MGAT4A: variants seen among roughly 807,000 people sequenced by gnomAD.
The protein encoded by MGAT4A is alpha-1,3-mannosyl-glycoprotein 4-beta-N-acetylglucosaminyltransferase A, also known as N-acetylglucosaminyltransferase IVa.
A neutral mutation model predicts 74.1 loss-of-function variants in MGAT4A; 33 were observed. The observed-to-expected ratio is 0.45, with a 90% confidence interval of 0.34 to 0.60. MGAT4A has a LOEUF of 0.60. Ranked by LOEUF, MGAT4A falls within the 20% of genes least tolerant of loss-of-function variation. MGAT4A has a pLI of 0.02. For synonymous variants in MGAT4A, 198 were observed against 210.4 expected (o/e 0.94, Z 0.51); for missense variants, 479 against 628.3 (o/e 0.76, Z 2.54).
At chr2:98,673,420 T>C (rs1253577729) in intron 4 of MGAT4A, among the ~76,000 whole-genome samples, 2 of 152,186 alleles carry the variant, frequency 1.3e-5, no homozygotes, top group African/African-American at 4.8e-5. Context: ...TTGACAGCTT[T>C]CCTAGAATAT....
chr2:98,709,164 C>T (rs1028218188), intron 2 of MGAT4A, among the ~76,000 whole-genome samples: 6 of 152,178 alleles, frequency 3.9e-5, no homozygotes, highest in African/African-American at 1.4e-4. Flanking sequence ...TTCCCTAGAG[C>T]TGTAGTGTGG....
Position 98,622,406 on chromosome 2 carries a change from A to C in MGAT4A, c.*3160T>G. The C allele has an allele frequency of 1.0e-6, 1 of 985,470 alleles. No individual in the cohort carries two copies. The highest frequency in any genetic ancestry group is 1.2e-6 in the Non-Finnish European group (1 of 829,942). 61.0% of individuals were successfully genotyped at this position (985,470 alleles called of 1,614,324 possible). A position where few individuals can be genotyped will look rare whatever the true frequency, so the allele number is the denominator to read the frequency against. The stretch of plus-strand genomic sequence containing the variant: ...CGGGTAAAAAAATGTTTTTATTTAA[A>C]CAGCCCCCATGTGTCTACTGGCTAT... On this transcript the variant is annotated 3_prime_UTR_variant, in exon 16 of 16. Transcript: ENST00000393487.
intron 14 of MGAT4A, among the ~76,000 whole-genome samples, chr2:98,626,620 A>T (rs1701147666): frequency 1.3e-5 from 2 of 152,222 alleles, no homozygotes; most frequent in Non-Finnish European, 2.9e-5. Flanking sequence ...AGGGTAATAT[A>T]TACAGGAAGA....
intron 7 of MGAT4A, 97 bp from the exon 8 acceptor site, chr2:98,655,617 C>A: frequency 1.3e-6 from 1 of 766,512 alleles, no homozygotes; most frequent in Non-Finnish European, 2.2e-6. Context: ...CATAACATGT[C>A]ATCTATGTAT....
chr2:98,706,576 C>T (rs1189892826), intron 2 of MGAT4A, among the ~76,000 whole-genome samples: 7 of 150,978 alleles, frequency 4.6e-5, no homozygotes, highest in Non-Finnish European at 1.0e-4. Flanking sequence ...GATCCACCCG[C>T]GTCGGCCTCC....
At chr2:98,663,254 A>G in intron 4 of MGAT4A, 75 bp from the exon 5 acceptor site, 3 of 1,530,534 alleles carry the variant, frequency 2.0e-6, no homozygotes, top group Non-Finnish European at 2.7e-6. Flanking sequence ...TTTCAAAAGT[A>G]TTATACCCTC....
Position 98,623,090 on chromosome 2 carries a change from G to C in MGAT4A, c.*2476C>G. 2 of 985,480 alleles carry C rather than the reference G, an allele frequency of 2.0e-6. No individual in the cohort carries two copies. Among genetic ancestry groups the C allele is most frequent in the Middle Eastern group, 5.2e-4 (1 of 1,914 alleles). 61.0% of individuals were successfully genotyped at this position (985,480 alleles called of 1,614,324 possible). A position where few individuals can be genotyped will look rare whatever the true frequency, so the allele number is the denominator to read the frequency against. Reference sequence around the variant, plus strand: ...ATAATTGGTCTCACATCCAGATGCTGACTGGCCACCTGCCACGTGCCTGGC... The same window carrying C: ...ATAATTGGTCTCACATCCAGATGCTCACTGGCCACCTGCCACGTGCCTGGC... On this transcript the variant is annotated 3_prime_UTR_variant, in exon 16 of 16. Coordinates refer to ENST00000393487, the MANE Select transcript of MGAT4A (RefSeq NM_012214.3).
At chr2:98,656,507 A>G in intron 6 of MGAT4A, 42 bp from the exon 7 acceptor site, 1 of 1,343,678 alleles carries the variant, frequency 7.4e-7, no homozygotes, top group Non-Finnish European at 1.1e-6. Flanking sequence ...GTTCTGTGGG[A>G]TTTTATTTAT....
intron 10 of MGAT4A, among the ~76,000 whole-genome samples, chr2:98,641,809 A>C (rs112464784): frequency 1.3e-5 from 2 of 152,088 alleles, no homozygotes; most frequent in African/African-American, 2.4e-5. Context: ...TCTGGCCAAC[A>C]CGGTGAAACC....
intron 2 of MGAT4A, among the ~76,000 whole-genome samples, chr2:98,722,435 A>G (rs1230954674): frequency 6.6e-6 from 1 of 152,238 alleles, no homozygotes; most frequent in East Asian, 1.9e-4. Context: ...GCCAGTCACA[A>G]AAGACCACAT....
intron 8 of MGAT4A, among the ~76,000 whole-genome samples, chr2:98,653,331 T>A (rs1353512747): frequency 2.3e-4 from 22 of 94,566 alleles, no homozygotes; most frequent in South Asian, 3.1e-4. Context: ...ATCAGATAAA[T>A]AAATAGAAAA....
chr2:98,637,281 A>G (rs1309496502), intron 12 of MGAT4A, among the ~76,000 whole-genome samples: 1 of 152,046 alleles, frequency 6.6e-6, no homozygotes, highest in Non-Finnish European at 1.5e-5. Flanking sequence ...GTGCCACTGC[A>G]CTCCAGCCTG....
intron 2 of MGAT4A, among the ~76,000 whole-genome samples, chr2:98,710,127 C>G (rs1702496223): frequency 6.6e-6 from 1 of 152,162 alleles, no homozygotes; most frequent in Non-Finnish European, 1.5e-5. Flanking sequence ...TTTGAAGTCT[C>G]TAAAACAACT....
intron 5 of MGAT4A, among the ~76,000 whole-genome samples, chr2:98,660,412 GCACGCGCACACACACA>G (rs1559162023): frequency 2.2e-4 from 20 of 92,952 alleles, no homozygotes; most frequent in African/African-American, 4.3e-4. Context: ...ACACACACAC[GCACGCGCACACACACA>G]CACACACACA....
chr2:98,699,953 T>C (rs1702328155), intron 2 of MGAT4A, among the ~76,000 whole-genome samples: 1 of 152,136 alleles, frequency 6.6e-6, no homozygotes, highest in African/African-American at 2.4e-5. Flanking sequence ...AGTCACGATG[T>C]TTCTTATAGG....
rs1305467787 is a variant in MGAT4A, at chr2:98,625,789, G to C, written c.1515C>G (p.Leu505=). Residue 505 remains leucine (L), a synonymous_variant, in exon 15 of 16, where the codon CTC becomes CTG. Coordinates refer to ENST00000393487, the MANE Select transcript of MGAT4A (RefSeq NM_012214.3). ...AAAGTCGAAAGGCTGAAATGGGATT[G>C]AGACTTGGATCCACCATTCCTTCTG... ...GVAEGMVDPS[L]NPISAFRLSV... is the part of the protein sequence containing the mutation. 6.2e-7 allele frequency: 1 copy of C among 1,612,540 alleles called. No individual in the cohort carries two copies. The highest frequency in any genetic ancestry group is 8.5e-7 in the Non-Finnish European group (1 of 1,178,934).
rs1701383874 is a variant in MGAT4A, at chr2:98,640,168, G to C, written c.1081C>G (p.His361Asp). The C allele has an allele frequency of 6.2e-7, 1 of 1,613,924 alleles. No individual in the cohort carries two copies. Among genetic ancestry groups the C allele is most frequent in the Non-Finnish European group, 8.5e-7 (1 of 1,179,982 alleles). The change falls in exon 11 of 16, where the codon CAT (histidine) becomes GAT (aspartate). Residue 361 changes from histidine (H) to aspartate (D), a missense_variant. Transcript: ENST00000393487. ...GATAGTGATGAGTGCAGACCAACAT[G>C]TTGGAAAAGGGAAGGTCTGAAGCGA... ...RIRFRPSLFQ[H>D]VGLHSSLSGK... is the part of the protein sequence containing the mutation.
Position 98,674,997 on chromosome 2 carries a change from C to T in MGAT4A, c.403+38G>A, listed in dbSNP as rs369199013. 6.3e-6 allele frequency: 10 copies of T among 1,594,084 alleles called. 1 individual carries two copies. In the African/African-American group the frequency reaches 1.4e-4, roughly 22 times the overall value. Reference sequence around the variant, plus strand: ...TAATAGTCCAAAACACATTTAACAGCAGTAGTACAACTGCAGTAAGAAACA... The same window carrying T: ...TAATAGTCCAAAACACATTTAACAGTAGTAGTACAACTGCAGTAAGAAACA... On this transcript the variant is annotated intron_variant, in intron 4 of 15. Transcript: ENST00000393487.
intron 3 of MGAT4A, among the ~76,000 whole-genome samples, chr2:98,677,781 T>C (rs1332664540): frequency 2.0e-5 from 3 of 150,002 alleles, no homozygotes; most frequent in Non-Finnish European, 4.4e-5. Context: ...TCTCTTAAAA[T>C]CAGATTTAGC....
Sources: gnomAD v4.1 joint callset for allele counts (sites outside exome capture counted in the v4.1 genomes callset) on GRCh38, gnomAD v4.1.1 for gene constraint, MANE v1.5 for transcripts, NCBI Gene and HGNC (gene_info 2026-07-23, HGNC 2026-07-21) for gene names.